CEP95: variants seen among roughly 807,000 people sequenced by gnomAD.
The protein encoded by CEP95 is centrosomal protein of 95 kDa.
In CEP95, 98 loss-of-function variants were observed where a neutral mutation model predicts 111.2. The ratio of observed to expected loss-of-function variants is 0.88; its 90% CI spans 0.75 to 1.04. The LOEUF (loss-of-function observed/expected upper bound fraction) is 1.04, where lower values mean the gene tolerates loss of function less well. Among genes scored for constraint, CEP95 ranks in the 50% least tolerant of loss-of-function variants. CEP95 has a pLI of 0.00. For synonymous variants in CEP95, 323 were observed against 327.1 expected (o/e 0.99, Z 0.14); for missense variants, 1,027 against 977.2 (o/e 1.05, Z -0.68).
intron 17 of CEP95, chr17:64,535,754 AAAAAACAC>A (rs1379156068): frequency 6.6e-6 from 1 of 152,212 alleles, no homozygotes; most frequent in Non-Finnish European, 1.5e-5. Context: ...ATAATCACAC[AAAAAACAC>A]AAATGTTCAT....
chr17:64,534,380 C>G, intron 16 of CEP95: 1 of 523,302 alleles, frequency 1.9e-6, no homozygotes, highest in Non-Finnish European at 3.4e-6. Flanking sequence ...CTGCTGCCCT[C>G]TGCTGCAGTG....
intron 3 of CEP95, 105 bp downstream of exon 3, chr17:64,510,385 A>C (rs987791032): frequency 2.4e-5 from 17 of 715,268 alleles, no homozygotes; most frequent in African/African-American, 1.9e-4. Context: ...TATGGAGTAG[A>C]CCAAATTGTA....
At chr17:64,507,546 AT>A (rs2038624484) in intron 1 of CEP95, 1 of 1,069,528 alleles carries the variant, frequency 9.3e-7, no homozygotes, top group African/African-American at 1.7e-5. Flanking sequence ...GAATAGTAGA[AT>A]ATGCCCCTGT....
chr17:64,516,243 T>C (rs1294713994), intron 4 of CEP95, among the ~76,000 whole-genome samples: 2 of 152,208 alleles, frequency 1.3e-5, no homozygotes, highest in African/African-American at 2.4e-5. Context: ...TAGTGAGTTA[T>C]AGCTACTGGT....
intron 14 of CEP95, chr17:64,532,598 T>C: frequency 7.8e-7 from 1 of 1,287,092 alleles, no homozygotes; most frequent in African/African-American, 1.5e-5. Flanking sequence ...GGCTGAGCAA[T>C]TAGGATGGAC....
At position 64,516,831 on chromosome 17, in the gene CEP95, A is replaced by G; in HGVS notation, c.473+3A>G. The G allele has an allele frequency of 6.6e-7, 1 of 1,523,646 alleles. No individual in the cohort carries two copies. The highest frequency in any genetic ancestry group is 9.1e-7 in the Non-Finnish European group (1 of 1,098,916). The allele number at this position is 1,523,646 out of a possible 1,614,324, so 94.4% of individuals were successfully genotyped here. A position where few individuals can be genotyped will look rare whatever the true frequency, so the allele number is the denominator to read the frequency against. On this transcript the variant is annotated splice_donor_region_variant and intron_variant, in intron 5 of 19. Coordinates refer to ENST00000556440, the MANE Select transcript of CEP95 (RefSeq NM_138363.3). The stretch of plus-strand genomic sequence containing the variant: ...TGGAAAAGAGTTTCTTTTGGGAGGT[A>G]GCACTTAGTGTCTCTGAATTTGATG...
intron 11 of CEP95, 98 bp downstream of exon 11, chr17:64,527,362 T>A: frequency 1.1e-6 from 1 of 920,754 alleles, no homozygotes; most frequent in Non-Finnish European, 1.5e-6. Flanking sequence ...TTTAAATAGT[T>A]GAGAAATATA....
At chr17:64,536,527 T>A in intron 17 of CEP95, 75 bp from the exon 18 acceptor site, 4 of 1,013,672 alleles carry the variant, frequency 3.9e-6, no homozygotes, top group East Asian at 2.7e-5. Context: ...CCTTGGGAAA[T>A]ACAATCAGTA....
intron 14 of CEP95, 160 bp downstream of exon 14, chr17:64,532,182 G>A: frequency 6.1e-6 from 8 of 1,316,508 alleles, no homozygotes; most frequent in South Asian, 2.4e-5. Context: ...TCCGTAGAGG[G>A]CTAAAACTCT....
intron 12 of CEP95, among the ~76,000 whole-genome samples, chr17:64,529,985 G>A (rs995587769): frequency 6.6e-6 from 1 of 152,204 alleles, no homozygotes; most frequent in Admixed American, 6.5e-5. Flanking sequence ...ACACTCATTT[G>A]TAACTCAGCA....
Position 64,507,076 on chromosome 17 carries a change from G to C in CEP95, c.-22G>C, listed in dbSNP as rs782463477. The C allele has an allele frequency of 9.7e-5, 150 of 1,550,662 alleles. No homozygotes were observed. Among genetic ancestry groups the C allele is most frequent in the Non-Finnish European group, 1.2e-4 (142 of 1,146,952 alleles). ...CGCCTTCCCGGCCGCGTCGGAGTCC[G>C]GCGGCGACCTGCCTCTGAAACATGG... On this transcript the variant is annotated 5_prime_UTR_variant, in exon 1 of 20. Coordinates refer to ENST00000556440, the MANE Select transcript of CEP95 (RefSeq NM_138363.3).
At chr17:64,525,682 G>T in intron 8 of CEP95, 88 bp from the exon 9 acceptor site, 1 of 794,136 alleles carries the variant, frequency 1.3e-6, no homozygotes. Context: ...GTAGCTTTGT[G>T]CCACAGTTCC....
At chr17:64,518,803 C>T (rs557919890) in intron 5 of CEP95, among the ~76,000 whole-genome samples, 3 of 152,198 alleles carry the variant, frequency 2.0e-5, no homozygotes, top group African/African-American at 7.2e-5. Flanking sequence ...GCCTCAGCCT[C>T]CAAAGTAGCT....
chr17:64,537,253 T>TA, intron 19 of CEP95, 141 bp downstream of exon 19: 1 of 1,420,246 alleles, frequency 7.0e-7, no homozygotes, highest in Non-Finnish European at 9.3e-7. Flanking sequence ...TAGGTTTGTG[T>TA]AAGTACACTG....
chr17:64,521,450 C>T lies in CEP95; in HGVS notation c.638C>T (p.Pro213Leu). 6.2e-7 allele frequency: 1 copy of T among 1,612,226 alleles called. No individual in the cohort carries two copies. Among genetic ancestry groups the T allele is most frequent in the Admixed American group, 1.7e-5 (1 of 60,002 alleles). The change falls in exon 7 of 20, where the codon CCA (proline) becomes CTA (leucine). Residue 213 changes from proline to leucine, a missense_variant. By Grantham distance (98) the Pro-to-Leu change is moderately conservative. Transcript: ENST00000556440. ...CTGTCTAAAAAAGCCTTAGCCTCAC[C>T]AAGTTCTAAATCACATGAAGATATG... ...EMLSKKALAS[P>L]SSKSHEDMLY...
intron 1 of CEP95, chr17:64,508,031 A>T: frequency 1.0e-6 from 1 of 985,286 alleles, no homozygotes; most frequent in Non-Finnish European, 1.2e-6. Flanking sequence ...GATATAATAA[A>T]AAAGAAAAAC....
intron 8 of CEP95, among the ~76,000 whole-genome samples, chr17:64,523,274 G>A (rs782060967): frequency 3.3e-5 from 5 of 152,170 alleles, no homozygotes; most frequent in Non-Finnish European, 7.3e-5. Context: ...CTCTGGAGTA[G>A]CTACTATATT....
chr17:64,521,547 A>G lies in CEP95; in HGVS notation c.715+20A>G. The stretch of plus-strand genomic sequence containing the variant: ...AAGACAGTGAGTTGTAATGGATGTT[A>G]GTTCTTTACTGCTGATGATCATTCT... On this transcript the variant is annotated intron_variant, in intron 7 of 19. Transcript: ENST00000556440. The G allele has an allele frequency of 1.9e-6, 3 of 1,602,342 alleles. No individual in the cohort carries two copies. Among genetic ancestry groups the G allele is most frequent in the Non-Finnish European group, 2.6e-6 (3 of 1,174,590 alleles).
At position 64,514,305 on chromosome 17, in the gene CEP95, A is replaced by G. The variant is rs1555675871; in HGVS notation, c.314A>G (p.Asp105Gly). 2 of 1,519,066 alleles carry G rather than the reference A, an allele frequency of 1.3e-6. No homozygotes were observed. The highest frequency in any genetic ancestry group is 2.0e-5 in the Admixed American group (1 of 50,950). 94.1% of individuals were successfully genotyped at this position (1,519,066 alleles called of 1,614,324 possible). The change falls in exon 4 of 20, where the codon GAT becomes GGT. Residue 105 changes from aspartate to glycine, a missense_variant. Asp to Gly is a moderately conservative substitution (Grantham distance 94). Transcript: ENST00000556440. ...ATTAAGAATCTCCTGGAAATATTTG[A>G]TGGTTTGTTGGAGTATCTTACAGAA... ...ESIKNLLEIF[D>G]GLLEYLTERI...
Sources: allele counts gnomAD v4.1 joint callset (sites outside exome capture counted in the v4.1 genomes callset), GRCh38; gene constraint gnomAD v4.1.1; transcripts MANE v1.5; gene names NCBI Gene and HGNC (gene_info 2026-07-23, HGNC 2026-07-21).